MAGI1: variants seen among roughly 807,000 people sequenced by gnomAD.
MAGI1 encodes the protein membrane associated guanylate kinase, WW and PDZ domain containing 1.
In MAGI1, 58 loss-of-function variants were observed where a neutral mutation model predicts 139.9. That is an observed-to-expected ratio of 0.41 (90% confidence interval 0.34 to 0.52). MAGI1 has a LOEUF of 0.52. Ranked by LOEUF, MAGI1 falls within the 20% of genes least tolerant of loss-of-function variation. The probability of loss-of-function intolerance (pLI) is 0.12; values close to 1 mark genes in which losing one functional copy is unlikely to be tolerated. For synonymous variants in MAGI1, 812 were observed against 737.9 expected (o/e 1.10, Z -1.63); for missense variants, 1,874 against 1,901.6 (o/e 0.99, Z 0.27).
intron 2 of MAGI1, among the ~76,000 whole-genome samples, chr3:65,529,749 T>C (rs1407878901): frequency 6.6e-6 from 1 of 152,216 alleles, no homozygotes; most frequent in African/African-American, 2.4e-5. Flanking sequence ...ATTTTACCTA[T>C]GTATACACAC....
Position 65,383,555 on chromosome 3 carries a change from C to T in MAGI1, c.2485G>A (p.Gly829Ser). Residue 829 changes from glycine to serine, a missense_variant, in exon 15 of 23, where the codon GGT becomes AGT. By Grantham distance (56) the Gly-to-Ser change is moderately conservative (BLOSUM62 0). Transcript: ENST00000402939. ...KETGFGFRIL[G>S]GNEPGEPIYI... is the part of the protein sequence containing the mutation. Reference sequence around the variant, plus strand: ...ACAGGTTCCCCTGGTTCATTTCCACCCAGAATCCTAAATCCAAATCCAGTC... The same window carrying T: ...ACAGGTTCCCCTGGTTCATTTCCACTCAGAATCCTAAATCCAAATCCAGTC... The T allele has an allele frequency of 6.2e-7, 1 of 1,613,686 alleles. No homozygotes were observed. Among genetic ancestry groups the T allele is most frequent in the Non-Finnish European group, 8.5e-7 (1 of 1,179,676 alleles).
chr3:65,375,970 T>C, intron 17 of MAGI1, 25 bp from the exon 18 acceptor site: 1 of 1,585,516 alleles, frequency 6.3e-7, no homozygotes, highest in Non-Finnish European at 8.6e-7. Context: ...AGTTTTAATT[T>C]TTTTAAAGTT....
chr3:65,841,847 C>T (rs887310612), intron 1 of MAGI1, among the ~76,000 whole-genome samples: 12 of 152,000 alleles, frequency 7.9e-5, no homozygotes, highest in Admixed American at 6.6e-4. Flanking sequence ...CATCAGGTCC[C>T]GAAATTTAGA....
rs1292508693 is a variant in MAGI1 at position 65,794,097 on chromosome 3, G to C, written c.314-172009C>G. Reference sequence around the variant, plus strand: ...CGACCTGGACCACACCCTAAGGCTAGAAGACAGCAGTAACACTAAAAGGAT... The same window carrying C: ...CGACCTGGACCACACCCTAAGGCTACAAGACAGCAGTAACACTAAAAGGAT... On this transcript the variant is annotated intron_variant, in intron 1 of 22. Transcript: ENST00000402939. Among the ~76,000 whole-genome samples, 5 of 152,270 alleles carry C rather than the reference G, an allele frequency of 3.3e-5. No individual in the cohort carries two copies. The East Asian group carries it at 9.7e-4, about 29-fold the overall frequency.
At chr3:65,610,697 A>C (rs527608303) in intron 2 of MAGI1, among the ~76,000 whole-genome samples, 7 of 133,028 alleles carry the variant, frequency 5.3e-5, no homozygotes, top group African/African-American at 2.0e-4. Flanking sequence ...TGAGACGGGA[A>C]AGGAGAAAAA....
At position 66,007,137 on chromosome 3, in the gene MAGI1, G is replaced by C. The variant is rs1396673606; in HGVS notation, c.313+30859C>G. 2.6e-5 allele frequency among the ~76,000 whole-genome samples: 4 copies of C among 151,988 alleles called. No individual in the cohort carries two copies. In the East Asian group the frequency reaches 7.7e-4, roughly 29 times the overall value. On this transcript the variant is annotated intron_variant, in intron 1 of 22. Transcript: ENST00000402939. ...ATTACAGGTGTGAGCCACCACACCT[G>C]GCCTGAAGATCACATATGTCACGTA...
chr3:65,695,814 A>G (rs1189191950), intron 1 of MAGI1, among the ~76,000 whole-genome samples: 1 of 152,222 alleles, frequency 6.6e-6, no homozygotes, highest in Non-Finnish European at 1.5e-5. Flanking sequence ...GTCAACATCC[A>G]GGACACTGGG....
intron 1 of MAGI1, among the ~76,000 whole-genome samples, chr3:65,832,074 G>A (rs1206973875): frequency 6.6e-6 from 1 of 152,186 alleles, no homozygotes; most frequent in Non-Finnish European, 1.5e-5. Flanking sequence ...GGTCTCTGAT[G>A]TTTCCAACCA....
chr3:65,935,203 G>A (rs999933389), intron 1 of MAGI1, among the ~76,000 whole-genome samples: 1 of 152,164 alleles, frequency 6.6e-6, no homozygotes, highest in African/African-American at 2.4e-5. Flanking sequence ...ATTTCAGGTG[G>A]AGAGAAACAC....
chr3:65,403,525 A>G (rs187873782), intron 12 of MAGI1, among the ~76,000 whole-genome samples: 4 of 152,330 alleles, frequency 2.6e-5, no homozygotes, highest in African/African-American at 9.6e-5. Context: ...TCAAAATTAT[A>G]TAAGATGACA....
intron 1 of MAGI1, among the ~76,000 whole-genome samples, chr3:65,847,580 T>C (rs932502246): frequency 6.6e-6 from 1 of 152,218 alleles, no homozygotes; most frequent in African/African-American, 2.4e-5. Context: ...TATTTATCAA[T>C]GTGTATGATA....
intron 1 of MAGI1, among the ~76,000 whole-genome samples, chr3:65,912,916 A>T (rs17441035): frequency 0.08 from 12,236 of 152,238 alleles, 646 homozygotes; most frequent in Middle Eastern, 0.14. Context: ...TCAGCAAACA[A>T]CCTATCAGAC....
At chr3:65,881,443 G>A (rs1003467241) in intron 1 of MAGI1, among the ~76,000 whole-genome samples, 1 of 152,092 alleles carries the variant, frequency 6.6e-6, no homozygotes, top group Admixed American at 6.6e-5. Flanking sequence ...GCTGGGCAGG[G>A]TGGCAAGACC....
intron 1 of MAGI1, among the ~76,000 whole-genome samples, chr3:65,704,216 C>G (rs898591525): frequency 6.6e-6 from 1 of 152,212 alleles, no homozygotes; most frequent in Non-Finnish European, 1.5e-5. Flanking sequence ...TCCACCAACA[C>G]GAACAGGCTT....
intron 1 of MAGI1, among the ~76,000 whole-genome samples, chr3:65,625,291 G>C (rs993498053): frequency 2.0e-5 from 3 of 152,104 alleles, no homozygotes; most frequent in Non-Finnish European, 4.4e-5. Flanking sequence ...CAATAAAATC[G>C]ATTTCAAAAG....
chr3:66,001,860 A>G (rs1281932719), intron 1 of MAGI1, among the ~76,000 whole-genome samples: 1 of 152,190 alleles, frequency 6.6e-6, no homozygotes, highest in African/African-American at 2.4e-5. Context: ...CCTTTAGAAA[A>G]ACACGGAAGC....
chr3:65,639,289 CT>C (rs1318042594), intron 1 of MAGI1, among the ~76,000 whole-genome samples: 1 of 152,112 alleles, frequency 6.6e-6, no homozygotes, highest in Non-Finnish European at 1.5e-5. Context: ...TTAATGATGC[CT>C]TTTGATGAGT....
chr3:65,586,166 T>A (rs1039799077), intron 2 of MAGI1, among the ~76,000 whole-genome samples: 1 of 151,662 alleles, frequency 6.6e-6, no homozygotes. Flanking sequence ...GCCATGGTCA[T>A]GCCACTGTAC....
At chr3:66,037,530 C>G (rs191391134) in intron 1 of MAGI1, among the ~76,000 whole-genome samples, 57 of 152,218 alleles carry the variant, frequency 3.7e-4, no homozygotes, top group Non-Finnish European at 7.4e-4. Flanking sequence ...CGGGGTGAAG[C>G]AGATTTTCTG....
Sources: gnomAD v4.1 joint callset for allele counts (sites outside exome capture counted in the v4.1 genomes callset) on GRCh38, gnomAD v4.1.1 for gene constraint, MANE v1.5 for transcripts, NCBI Gene and HGNC (gene_info 2026-07-23, HGNC 2026-07-21) for gene names.